KIRREL3: variants seen among roughly 807,000 people sequenced by gnomAD.
KIRREL3 encodes the protein kirre like nephrin family adhesion molecule 3.
A neutral mutation model predicts 89.7 loss-of-function variants in KIRREL3; 36 were observed. That is an observed-to-expected ratio of 0.40 (90% CI 0.31 to 0.53). The LOEUF is 0.53. KIRREL3 is among the 20% of genes least tolerant of loss of function. The pLI is 0.49. For missense variants in KIRREL3, 864 were observed against 1,056.6 expected (o/e 0.82, Z 2.53); for synonymous variants, 445 against 441.4 (o/e 1.01, Z -0.10).
chr11:126,562,073 TC>T lies in KIRREL3; in HGVS notation c.133+761del, dbSNP rs1940168151. 6.6e-6 allele frequency among the ~76,000 whole-genome samples: 1 copy of T among 152,186 alleles called. No homozygotes were observed. The highest frequency in any genetic ancestry group is 1.5e-5 in the Non-Finnish European group (1 of 68,036). ...GTCTGACTTTAATGAATAAATGGCA[TC>T]CCCAGCCATTGTTTATCTACTTTTG... On this transcript the variant is annotated intron_variant, in intron 2 of 16. Transcript: ENST00000525144. The surrounding 1 kb of genome is among the most constrained non-coding windows in gnomAD (Gnocchi z 4.7).
chr11:126,794,939 A>G (rs73575213), intron 1 of KIRREL3, among the ~76,000 whole-genome samples: 2,373 of 152,360 alleles, frequency 0.016, 67 homozygotes, highest in African/African-American at 0.054. Context: ...TCAAGCCACA[A>G]AAATACATGG....
intron 1 of KIRREL3, among the ~76,000 whole-genome samples, chr11:126,882,012 T>C: frequency 6.6e-6 from 1 of 152,082 alleles, no homozygotes; most frequent in East Asian, 1.9e-4. Context: ...TATATGGGTG[T>C]GTGTGTAGGG....
rs1033395178 is a variant in KIRREL3 at position 126,704,629 on chromosome 11, ATTT to A, written c.56-141720_56-141718del. Among the ~76,000 whole-genome samples, 12 of 152,110 alleles carry A rather than the reference ATTT, an allele frequency of 7.9e-5. No homozygotes were observed. The highest frequency in any genetic ancestry group is 1.5e-4 in the Non-Finnish European group (10 of 68,030). ...ACTTTCCATACACAGACAGGGCTCTATTTTTGGATGTCTTGGTTCTCATGAGTT... is the reference window on the plus strand; with the variant it reads ...ACTTTCCATACACAGACAGGGCTCTATTGGATGTCTTGGTTCTCATGAGTT... On this transcript the variant is annotated intron_variant, in intron 1 of 16. Transcript: ENST00000525144. The surrounding 1 kb of genome is among the most constrained non-coding windows in gnomAD (Gnocchi z 4.2).
rs564957711 is a variant in KIRREL3 at position 126,684,203 on chromosome 11, C to G, written c.56-121291G>C. Among the ~76,000 whole-genome samples, 246 of 152,268 alleles carry G rather than the reference C, an allele frequency of 1.6e-3. 6 individuals are homozygous for G. The highest frequency in any genetic ancestry group is 0.015 in the Admixed American group (223 of 15,296). ...GTGTGTGCAATATGGTGGGAGGAGC[C>G]GGGCTGGAGGCTGCAGACTCTGCCT... On this transcript the variant is annotated intron_variant, in intron 1 of 16. Transcript: ENST00000525144. The surrounding 1 kb of genome is among the most constrained non-coding windows in gnomAD (Gnocchi z 4.2).
At chr11:126,964,487 A>G (rs1949203572) in intron 1 of KIRREL3, among the ~76,000 whole-genome samples, 1 of 152,156 alleles carries the variant, frequency 6.6e-6, no homozygotes, top group Admixed American at 6.5e-5. Flanking sequence ...GTCCTCCTAG[A>G]ACCCCTCCTC....
At chr11:126,878,345 A>G (rs1244333881) in intron 1 of KIRREL3, among the ~76,000 whole-genome samples, 1 of 152,152 alleles carries the variant, frequency 6.6e-6, no homozygotes, top group African/African-American at 2.4e-5. Flanking sequence ...TCCCACCCCC[A>G]TTAGATATAT....
Position 126,611,311 on chromosome 11 carries a change from A to G in KIRREL3, c.56-48399T>C, listed in dbSNP as rs1170780098. 1.3e-5 allele frequency among the ~76,000 whole-genome samples: 2 copies of G among 152,004 alleles called. No homozygotes were observed. The highest frequency in any genetic ancestry group is 1.9e-4 in the East Asian group (1 of 5,192). ...TCCCATTCCTTTCCTTCTCAATTCT[A>G]TTGACATTTTTGGTGTCTAACTCCT... On this transcript the variant is annotated intron_variant, in intron 1 of 16. Transcript: ENST00000525144. This position sits in a 1 kb window ranked among gnomAD's most constrained non-coding sequence, Gnocchi z 4.7.
chr11:126,584,313 T>C (rs1941711585), intron 1 of KIRREL3, among the ~76,000 whole-genome samples: 1 of 152,198 alleles, frequency 6.6e-6, no homozygotes, highest in East Asian at 1.9e-4. Context: ...ATCTAGATCC[T>C]ATACAGCTTA....
chr11:126,891,105 A>G lies in KIRREL3; in HGVS notation c.55+109350T>C, dbSNP rs1412985310. On this transcript the variant is annotated intron_variant, in intron 1 of 16. Transcript: ENST00000525144. This position sits in a 1 kb window ranked among gnomAD's most constrained non-coding sequence, Gnocchi z 5.1. ...GAGGTGGGCTTTTGAAGCTACCTTT[A>G]TTAATTCAGTACCTAGCTTCTGCAT... 6.6e-6 allele frequency among the ~76,000 whole-genome samples: 1 copy of G among 152,186 alleles called. No homozygotes were observed. Among genetic ancestry groups the G allele is most frequent in the Non-Finnish European group, 1.5e-5 (1 of 68,034 alleles).
chr11:126,662,844 T>G (rs1945470059), intron 1 of KIRREL3, among the ~76,000 whole-genome samples: 1 of 151,120 alleles, frequency 6.6e-6, no homozygotes, highest in Admixed American at 6.6e-5. Flanking sequence ...CACCCCAACT[T>G]CAAATGGGTT....
chr11:126,431,650 G>T lies in KIRREL3; in HGVS notation c.1589-124C>A. The T allele has an allele frequency of 1.0e-6, 1 of 962,290 alleles. No homozygotes were observed. The highest frequency in any genetic ancestry group is 1.6e-6 in the Non-Finnish European group (1 of 640,670). 59.6% of individuals were successfully genotyped at this position (962,290 alleles called of 1,614,324 possible). ...TGGGGCCCTCCTGGGAAATGCCTCA[G>T]TGGGGCCTGGGCAGGCACAGGCCGA... On this transcript the variant is annotated intron_variant, in intron 13 of 16. Transcript: ENST00000525144. The surrounding 1 kb of genome is among the most constrained non-coding windows in gnomAD (Gnocchi z 7.1).
At chr11:126,757,495 A>G (rs1030736058) in intron 1 of KIRREL3, among the ~76,000 whole-genome samples, 2 of 152,042 alleles carry the variant, frequency 1.3e-5, no homozygotes, top group Non-Finnish European at 2.9e-5. Context: ...AGTCACATCT[A>G]TTTCCTTTTT....
chr11:126,763,366 C>G lies in KIRREL3; in HGVS notation c.56-200454G>C, dbSNP rs900343509. On this transcript the variant is annotated intron_variant, in intron 1 of 16. Coordinates refer to ENST00000525144, the MANE Select transcript of KIRREL3 (RefSeq NM_032531.4). The surrounding 1 kb of genome is among the most constrained non-coding windows in gnomAD (Gnocchi z 4.7). The stretch of plus-strand genomic sequence containing the variant: ...GTGCCAAGGGCTGGGCAGGGCAGTG[C>G]TCCTCACTTCCTCCATCTGCTCAGC... Among the ~76,000 whole-genome samples, 3 of 152,196 alleles carry G rather than the reference C, an allele frequency of 2.0e-5. No homozygotes were observed. The highest frequency in any genetic ancestry group is 2.9e-5 in the Non-Finnish European group (2 of 68,028).
In KIRREL3 at chr11:126,668,916, G is replaced by A. The variant is rs547089160; in HGVS notation, c.56-106004C>T. The stretch of plus-strand genomic sequence containing the variant: ...TTGCAGGGTTAAGAAAATTTGAGCC[G>A]TTCCTTTCCTGCCTATGTTGGGGTG... On this transcript the variant is annotated intron_variant, in intron 1 of 16. Transcript: ENST00000525144. This position sits in a 1 kb window ranked among gnomAD's most constrained non-coding sequence, Gnocchi z 4.4. 2.6e-5 allele frequency among the ~76,000 whole-genome samples: 4 copies of A among 152,086 alleles called. No individual in the cohort carries two copies. Among genetic ancestry groups the A allele is most frequent in the Non-Finnish European group, 4.4e-5 (3 of 68,002 alleles).
chr11:126,763,094 C>A lies in KIRREL3; in HGVS notation c.56-200182G>T. ...CAGGAGTATTGCCCCAACTTCCAAA[C>A]ACATTCCTATCCTCGTCTGGCATTG... On this transcript the variant is annotated intron_variant, in intron 1 of 16. Transcript: ENST00000525144. This position sits in a 1 kb window ranked among gnomAD's most constrained non-coding sequence, Gnocchi z 4.7. 6.6e-6 allele frequency among the ~76,000 whole-genome samples: 1 copy of A among 152,160 alleles called. No individual in the cohort carries two copies. The highest frequency in any genetic ancestry group is 1.9e-4 in the East Asian group (1 of 5,188).
At chr11:126,445,845 C>T (rs755762885) in intron 9 of KIRREL3, among the ~76,000 whole-genome samples, 5 of 152,230 alleles carry the variant, frequency 3.3e-5, no homozygotes, top group Admixed American at 1.3e-4. Flanking sequence ...AGAATATATA[C>T]GTCTTAAAAG....
intron 1 of KIRREL3, among the ~76,000 whole-genome samples, chr11:126,915,496 G>C (rs1240565408): frequency 6.6e-6 from 1 of 152,146 alleles, no homozygotes; most frequent in Non-Finnish European, 1.5e-5. Flanking sequence ...TCAGACAGGA[G>C]AGACGTGGTC....
chr11:126,907,371 C>T (rs1167472042), intron 1 of KIRREL3, among the ~76,000 whole-genome samples: 1 of 152,132 alleles, frequency 6.6e-6, no homozygotes, highest in Non-Finnish European at 1.5e-5. Flanking sequence ...ATCATAGTTT[C>T]CCCAGCACTT....
At chr11:126,934,058 A>T (rs558378383) in intron 1 of KIRREL3, among the ~76,000 whole-genome samples, 1 of 152,306 alleles carries the variant, frequency 6.6e-6, no homozygotes, top group South Asian at 2.1e-4. Flanking sequence ...CCTGGTTTTA[A>T]AACATACTAC....
Sources: allele counts gnomAD v4.1 joint callset (sites outside exome capture counted in the v4.1 genomes callset), GRCh38; gene constraint gnomAD v4.1.1; non-coding constraint Gnocchi (gnomAD v3.1); transcripts MANE v1.5; gene names NCBI Gene and HGNC (gene_info 2026-07-23, HGNC 2026-07-21).